The following CNTN5 variants were observed in gnomAD, a reference collection of about 807,000 sequenced individuals.
CNTN5 encodes contactin-5.
CNTN5 carries 77 observed loss-of-function variants against 129.1 expected under a neutral mutation model. The observed-to-expected ratio is 0.60, with a 90% CI of 0.50 to 0.72. CNTN5 has a LOEUF of 0.72. Ranked by LOEUF, CNTN5 falls within the 30% of genes least tolerant of loss-of-function variation. The pLI is 0.00. For synonymous variants in CNTN5, 509 were observed against 465.6 expected (o/e 1.09, Z -1.20); for missense variants, 1,478 against 1,328.8 (o/e 1.11, Z -1.75).
intron 3 of CNTN5, among the ~76,000 whole-genome samples, chr11:99,789,610 C>G (rs892172688): frequency 5.3e-5 from 8 of 151,912 alleles, no homozygotes; most frequent in Non-Finnish European, 1.2e-4. Context: ...TGATATAATT[C>G]TTAAAACATT....
intron 8 of CNTN5, among the ~76,000 whole-genome samples, chr11:100,000,504 C>A (rs368506933): frequency 1.3e-5 from 2 of 152,220 alleles, no homozygotes; most frequent in African/African-American, 4.8e-5. Flanking sequence ...GGGCACAGCA[C>A]CTCTGGCTCT....
chr11:99,357,935 C>T (rs1327471537), intron 2 of CNTN5, among the ~76,000 whole-genome samples: 5 of 150,600 alleles, frequency 3.3e-5, no homozygotes, highest in South Asian at 2.1e-4. Context: ...ACCCTGGAGG[C>T]GGAGGTTGCA....
At chr11:100,337,385 A>G in intron 21 of CNTN5, 3 of 786,686 alleles carry the variant, frequency 3.8e-6, no homozygotes, top group Non-Finnish European at 4.6e-6. Flanking sequence ...CCCTCAGCAG[A>G]GAGAGCACCT....
chr11:99,784,982 G>C (rs748944605), intron 3 of CNTN5, among the ~76,000 whole-genome samples: 2 of 151,730 alleles, frequency 1.3e-5, no homozygotes, highest in South Asian at 2.1e-4. Flanking sequence ...TGTATTTTTA[G>C]TAGAGACAGG....
At chr11:99,069,665 A>G (rs1459419042) in intron 1 of CNTN5, among the ~76,000 whole-genome samples, 1 of 150,288 alleles carries the variant, frequency 6.7e-6, no homozygotes, top group East Asian at 1.9e-4. Context: ...GTACTTAATA[A>G]ATATTTGTTT....
intron 6 of CNTN5, among the ~76,000 whole-genome samples, chr11:99,892,284 C>T (rs186585162): frequency 3.6e-4 from 55 of 152,244 alleles, no homozygotes; most frequent in South Asian, 2.1e-4. Context: ...GTTGCCTGTT[C>T]ACTCTAATGA....
chr11:99,860,910 A>C (rs987131873), intron 6 of CNTN5, among the ~76,000 whole-genome samples: 1 of 144,950 alleles, frequency 6.9e-6, no homozygotes, highest in African/African-American at 2.6e-5. Flanking sequence ...CATTTTAATG[A>C]TATTGATTCT....
At chr11:100,042,581 C>T (rs754301354) in intron 9 of CNTN5, among the ~76,000 whole-genome samples, 7 of 152,050 alleles carry the variant, frequency 4.6e-5, no homozygotes, top group Non-Finnish European at 8.8e-5. Flanking sequence ...TTCCTTCTGC[C>T]TTGACAGATT....
chr11:100,309,432 ATCTT>A (rs1192259129), intron 21 of CNTN5: 6 of 968,246 alleles, frequency 6.2e-6, no homozygotes, highest in Non-Finnish European at 7.4e-6. Flanking sequence ...AATTTATACA[ATCTT>A]TCTAAGAGTT....
chr11:99,178,332 AC>A lies in CNTN5; in HGVS notation c.-209-147013del, dbSNP rs1287060244. The stretch of plus-strand genomic sequence containing the variant: ...CTCATCTCCACACACACACACACAC[AC>A]ACACACACACACACACACACACACA... On this transcript the variant is annotated intron_variant, in intron 1 of 24. Coordinates refer to ENST00000524871, the MANE Select transcript of CNTN5 (RefSeq NM_014361.4). Among the ~76,000 whole-genome samples, 4 of 124,058 alleles carry A rather than the reference AC, an allele frequency of 3.2e-5. No homozygotes were observed. In the East Asian group the frequency reaches 9.1e-4, roughly 28 times the overall value. The allele number at this position is 124,058 out of a possible 152,430, so 81.4% of individuals were successfully genotyped here. A position where few individuals can be genotyped will look rare whatever the true frequency, so the allele number is the denominator to read the frequency against.
chr11:99,569,145 G>T (rs1949097902), intron 3 of CNTN5, among the ~76,000 whole-genome samples: 1 of 151,800 alleles, frequency 6.6e-6, no homozygotes, highest in South Asian at 2.1e-4. Flanking sequence ...TGAATATTTT[G>T]CAATTATGAT....
At chr11:99,294,346 A>C (rs1337343135) in intron 1 of CNTN5, among the ~76,000 whole-genome samples, 5 of 152,246 alleles carry the variant, frequency 3.3e-5, no homozygotes, top group Non-Finnish European at 5.9e-5. Flanking sequence ...CAGTGTAAAT[A>C]GCTCATTAGC....
chr11:99,896,215 C>G (rs1285963388), intron 6 of CNTN5, among the ~76,000 whole-genome samples: 1 of 152,198 alleles, frequency 6.6e-6, no homozygotes, highest in Non-Finnish European at 1.5e-5. Flanking sequence ...TTGTGCCCCA[C>G]AAGTCCCTGC....
At chr11:99,491,728 A>T (rs540182098) in intron 2 of CNTN5, among the ~76,000 whole-genome samples, 1 of 152,282 alleles carries the variant, frequency 6.6e-6, no homozygotes, top group African/African-American at 2.4e-5. Context: ...GACTGTCTCA[A>T]TGAGGAACAT....
intron 1 of CNTN5, among the ~76,000 whole-genome samples, chr11:99,181,109 C>A (rs1858035809): frequency 1.3e-5 from 2 of 152,216 alleles, no homozygotes; most frequent in East Asian, 3.9e-4. Flanking sequence ...GTACCACCAC[C>A]AGGGGGTCTG....
chr11:99,330,943 CAT>C (rs1160297310), intron 2 of CNTN5, among the ~76,000 whole-genome samples: 7 of 151,994 alleles, frequency 4.6e-5, no homozygotes, highest in African/African-American at 7.2e-5. Context: ...TACACACACA[CAT>C]GTGCACACAC....
chr11:99,460,501 A>C (rs1433602845), intron 2 of CNTN5, among the ~76,000 whole-genome samples: 3 of 151,990 alleles, frequency 2.0e-5, no homozygotes, highest in Non-Finnish European at 4.4e-5. Context: ...AAGGAATACT[A>C]CAAGGAATAA....
intron 1 of CNTN5, among the ~76,000 whole-genome samples, chr11:99,168,578 T>TTAAAACAAAACAAAA (rs142165478): frequency 1.1e-4 from 16 of 145,746 alleles, no homozygotes; most frequent in Admixed American, 1.1e-3. Flanking sequence ...AGACTCCATC[T>TTAAAACAAAACAAAA]CAAAACAAAA....
intron 15 of CNTN5, among the ~76,000 whole-genome samples, chr11:100,202,783 T>G (rs1273703599): frequency 6.6e-6 from 1 of 151,948 alleles, no homozygotes; most frequent in African/African-American, 2.4e-5. Context: ...ATGAGAACAC[T>G]GAGCCCCAGG....
Sources: gnomAD v4.1 joint callset for allele counts (sites outside exome capture counted in the v4.1 genomes callset) on GRCh38, gnomAD v4.1.1 for gene constraint, MANE v1.5 for transcripts, NCBI Gene and HGNC (gene_info 2026-07-23, HGNC 2026-07-21) for gene names.